CD226: variants seen among roughly 807,000 people sequenced by gnomAD.
CD226 encodes CD226 molecule, also known as CD226 antigen.
A neutral mutation model predicts 34.9 loss-of-function variants in CD226; 24 were observed. That is an observed-to-expected ratio of 0.69 (90% confidence interval 0.50 to 0.97). The LOEUF is 0.97. CD226 is among the 50% of genes least tolerant of loss of function. The probability of loss-of-function intolerance (pLI) is 0.00; values close to 1 mark genes in which losing one functional copy is unlikely to be tolerated. For missense variants in CD226, 397 were observed against 412.7 expected (o/e 0.96, Z 0.33); for synonymous variants, 148 against 147.4 (o/e 1.00, Z -0.03).
At chr18:69,912,096 T>C (rs2055333191) in intron 2 of CD226, among the ~76,000 whole-genome samples, 1 of 152,160 alleles carries the variant, frequency 6.6e-6, no homozygotes, top group African/African-American at 2.4e-5. Flanking sequence ...TGGCTAGCCA[T>C]ATGTAGAAAG....
intron 2 of CD226, among the ~76,000 whole-genome samples, chr18:69,931,182 T>C (rs879324519): frequency 2.6e-5 from 4 of 151,224 alleles, no homozygotes; most frequent in Non-Finnish European, 4.4e-5. Context: ...AATTGAACAA[T>C]GAGAACACAT....
At chr18:69,898,417 G>A (rs1298797588) in intron 2 of CD226, among the ~76,000 whole-genome samples, 5 of 152,164 alleles carry the variant, frequency 3.3e-5, no homozygotes, top group East Asian at 1.9e-4. Flanking sequence ...CCGTGAACCT[G>A]CCGACTCAGG....
intron 3 of CD226, among the ~76,000 whole-genome samples, chr18:69,893,971 T>C (rs1324549331): frequency 6.6e-6 from 1 of 152,076 alleles, no homozygotes; most frequent in Non-Finnish European, 1.5e-5. Context: ...GCAAAGTCTA[T>C]AAAGGGACAG....
intron 2 of CD226, among the ~76,000 whole-genome samples, chr18:69,939,362 AT>A (rs201852559): frequency 1.3e-5 from 2 of 151,942 alleles, no homozygotes; most frequent in Admixed American, 1.3e-4. Flanking sequence ...TAGTTTACCT[AT>A]TTTTTTTGGT....
chr18:69,887,556 C>T (rs755987091), intron 3 of CD226, among the ~76,000 whole-genome samples: 5 of 152,188 alleles, frequency 3.3e-5, no homozygotes, highest in South Asian at 2.1e-4. Context: ...TTATTTTACC[C>T]GTGTCCATCA....
At chr18:69,890,614 C>G (rs530813982) in intron 3 of CD226, among the ~76,000 whole-genome samples, 1 of 152,022 alleles carries the variant, frequency 6.6e-6, no homozygotes, top group African/African-American at 2.4e-5. Context: ...GACATTGAGA[C>G]GGCTGAAACT....
chr18:69,902,765 A>G (rs1376468483), intron 2 of CD226, among the ~76,000 whole-genome samples: 1 of 151,934 alleles, frequency 6.6e-6, no homozygotes, highest in African/African-American at 2.4e-5. Flanking sequence ...CGATGCTTCA[A>G]ATAGACTAAA....
At chr18:69,932,901 G>T (rs1157634650) in intron 2 of CD226, among the ~76,000 whole-genome samples, 1 of 152,180 alleles carries the variant, frequency 6.6e-6, no homozygotes, top group Admixed American at 6.5e-5. Context: ...GAGGGACTGG[G>T]ACATTTCTCC....
chr18:69,947,108 G>T, intron 1 of CD226, 39 bp from the exon 2 acceptor site: 2 of 1,493,028 alleles, frequency 1.3e-6, no homozygotes, highest in Non-Finnish European at 1.9e-6. Flanking sequence ...TAGCCTTGAT[G>T]ATGGAAACAC....
chr18:69,927,626 A>C lies in CD226; in HGVS notation c.382+19108T>G, dbSNP rs570484307. ...GTGTACCTCATATAAGTGGAATCAC[A>C]AAGTATTTGTTGTCTTGTGACTGGC... On this transcript the variant is annotated intron_variant, in intron 2 of 5. Coordinates refer to ENST00000582621, the MANE Select transcript of CD226 (RefSeq NM_001303618.2). 2.3e-3 allele frequency among the ~76,000 whole-genome samples: 347 copies of C among 152,240 alleles called. 1 individual carries two copies. The highest frequency in any genetic ancestry group is 8.0e-3 in the African/African-American group (333 of 41,540).
chr18:69,893,827 T>C (rs190586043), intron 3 of CD226, among the ~76,000 whole-genome samples: 2 of 152,336 alleles, frequency 1.3e-5, no homozygotes, highest in East Asian at 1.9e-4. Flanking sequence ...TCCAAGGTGA[T>C]TGTGTATGAA....
chr18:69,956,445 C>T (rs1000695775), intron 1 of CD226, among the ~76,000 whole-genome samples: 4 of 152,208 alleles, frequency 2.6e-5, no homozygotes, highest in African/African-American at 4.8e-5. Context: ...AGACCAGATG[C>T]CGGTAAAATT....
rs907319114 is a variant in CD226 at position 69,861,140 on chromosome 18, T to C, written c.*3174A>G. The C allele has an allele frequency of 2.0e-5, 3 of 152,080 alleles. No homozygotes were observed. Among genetic ancestry groups the C allele is most frequent in the Admixed American group, 6.5e-5 (1 of 15,278 alleles). 9.4% of individuals were successfully genotyped at this position (152,080 alleles called of 1,614,324 possible). On this transcript the variant is annotated 3_prime_UTR_variant, in exon 6 of 6. Coordinates refer to ENST00000582621, the MANE Select transcript of CD226 (RefSeq NM_001303618.2). ...CTTTGTCTTTTAAATTGATAACCCATGTATTTTAAGTTTATATATATAGTA... is the reference window on the plus strand; with the variant it reads ...CTTTGTCTTTTAAATTGATAACCCACGTATTTTAAGTTTATATATATAGTA...
intron 3 of CD226, among the ~76,000 whole-genome samples, chr18:69,873,825 C>T (rs1266426732): frequency 1.3e-5 from 2 of 152,146 alleles, no homozygotes; most frequent in Non-Finnish European, 2.9e-5. Context: ...GAGCCCGGAT[C>T]TTGCCACTGC....
At chr18:69,895,366 A>G (rs372061374) in intron 3 of CD226, among the ~76,000 whole-genome samples, 6 of 152,168 alleles carry the variant, frequency 3.9e-5, no homozygotes, top group African/African-American at 1.4e-4. Flanking sequence ...AAAAATATTC[A>G]TGTAATTGGG....
chr18:69,896,952 C>T (rs1985337177), intron 2 of CD226, among the ~76,000 whole-genome samples: 1 of 152,148 alleles, frequency 6.6e-6, no homozygotes, highest in Admixed American at 6.5e-5. Flanking sequence ...GGAATTCCTA[C>T]CATAAAGTAC....
At chr18:69,925,018 A>G (rs941337658) in intron 2 of CD226, among the ~76,000 whole-genome samples, 1 of 152,260 alleles carries the variant, frequency 6.6e-6, no homozygotes, top group Admixed American at 6.5e-5. Context: ...AACATATATT[A>G]CTTTAAATAA....
intron 2 of CD226, 145 bp from the exon 3 acceptor site, chr18:69,896,190 T>TTC: frequency 7.0e-7 from 1 of 1,421,398 alleles, no homozygotes; most frequent in Non-Finnish European, 9.1e-7. Flanking sequence ...ACTTTTTTTT[T>TTC]TTTTTTCCTG....
intron 2 of CD226, among the ~76,000 whole-genome samples, chr18:69,937,827 T>A (rs1230716329): frequency 1.3e-5 from 2 of 152,224 alleles, no homozygotes; most frequent in African/African-American, 2.4e-5. Flanking sequence ...GCCAGCATGA[T>A]CTTTAGAATC....
Sources: allele counts gnomAD v4.1 joint callset (sites outside exome capture counted in the v4.1 genomes callset), GRCh38; gene constraint gnomAD v4.1.1; transcripts MANE v1.5; gene names NCBI Gene and HGNC (gene_info 2026-07-23, HGNC 2026-07-21).